The following TMTC3 variants were observed in gnomAD, a reference collection of about 807,000 sequenced individuals.
TMTC3 encodes the protein transmembrane O-mannosyltransferase targeting cadherins 3, also known as protein O-mannosyl-transferase TMTC3.
Under a neutral mutation model 92.2 loss-of-function variants are expected in TMTC3, and 52 were observed. The ratio of observed to expected loss-of-function variants is 0.56; its 90% confidence interval spans 0.45 to 0.71. The LOEUF (loss-of-function observed/expected upper bound fraction) is 0.71, where lower values mean the gene tolerates loss of function less well. Among genes scored for constraint, TMTC3 ranks in the 30% least tolerant of loss-of-function variants. TMTC3 has a pLI of 0.00. For missense variants in TMTC3, 896 were observed against 1,057.1 expected (o/e 0.85, Z 2.11); for synonymous variants, 339 against 363.3 (o/e 0.93, Z 0.76).
At position 88,195,330 on chromosome 12, in the gene TMTC3, G is replaced by A. The variant is rs111307435; in HGVS notation, c.2426G>A (p.Arg809His). ...GCACCACATGAAGAATATATTCAGC[G>A]CCATTTGAATATAGTCAGGGATAAG... Reference protein sequence around the residue: ...ALAPHEEYIQRHLNIVRDKIS... With the variant: ...ALAPHEEYIQHHLNIVRDKIS... Residue 809 changes from arginine (R) to histidine (H), a missense_variant, in exon 14 of 14, where the codon CGC (arginine) becomes CAC (histidine). Coordinates refer to ENST00000266712, the MANE Select transcript of TMTC3 (RefSeq NM_181783.4). 0.013 allele frequency: 20,250 copies of A among 1,613,714 alleles called. 149 individuals are homozygous for A. The highest frequency in any genetic ancestry group is 0.015 in the Non-Finnish European group (17,330 of 1,179,784).
chr12:88,193,357 C>T (rs2041465404), intron 13 of TMTC3, among the ~76,000 whole-genome samples: 1 of 151,890 alleles, frequency 6.6e-6, no homozygotes, highest in Non-Finnish European at 1.5e-5. Context: ...AAATTATTAA[C>T]CACAGTAAAT....
At chr12:88,169,134 A>G (rs1225252580) in intron 7 of TMTC3, among the ~76,000 whole-genome samples, 1 of 152,242 alleles carries the variant, frequency 6.6e-6, no homozygotes, top group African/African-American at 2.4e-5. Flanking sequence ...CAAAGCAGTC[A>G]AGAAGAGTGG....
Position 88,160,683 on chromosome 12 carries a change from C to G in TMTC3, c.629C>G (p.Thr210Ser). 1 of 1,612,202 alleles carries G rather than the reference C, an allele frequency of 6.2e-7. No individual in the cohort carries two copies. The highest frequency in any genetic ancestry group is 8.5e-7 in the Non-Finnish European group (1 of 1,179,264). ...AACATTTCTTTTCTTTTTCAGTATA[C>G]TTTGCCATTACTATGTACTACTGCT... ...VYEVFIAQGY[T>S]LPLLCTTAGQ... The change falls in exon 6 of 14, where the codon ACT (threonine) becomes AGT (serine). Residue 210 changes from threonine to serine, a missense_variant. Physicochemically the swap from Thr to Ser is moderately conservative, Grantham distance 58. Coordinates refer to ENST00000266712, the MANE Select transcript of TMTC3 (RefSeq NM_181783.4).
At chr12:88,155,378 C>G (rs945331017) in intron 4 of TMTC3, among the ~76,000 whole-genome samples, 2 of 152,198 alleles carry the variant, frequency 1.3e-5, no homozygotes, top group Non-Finnish European at 2.9e-5. Context: ...TATGGAATTG[C>G]AGACCAGTAT....
Position 88,144,449 on chromosome 12 carries a change from C to G in TMTC3, c.-29+1962C>G, listed in dbSNP as rs140418938. Reference sequence around the variant, plus strand: ...GTTATAACTTATTTTTATGTATTCACTTACAAGTTTCGTTTGTCTGTATTA... The same window carrying G: ...GTTATAACTTATTTTTATGTATTCAGTTACAAGTTTCGTTTGTCTGTATTA... On this transcript the variant is annotated intron_variant, in intron 1 of 13. Coordinates refer to ENST00000266712, the MANE Select transcript of TMTC3 (RefSeq NM_181783.4). 3.5e-3 allele frequency among the ~76,000 whole-genome samples: 532 copies of G among 151,792 alleles called. 6 individuals carry two copies. The highest frequency in any genetic ancestry group is 0.013 in the African/African-American group (517 of 41,356).
chr12:88,188,926 G>A lies in TMTC3; in HGVS notation c.1516G>A (p.Ala506Thr). ...TKEAEESYMMAKSLMPQIIPG... is the reference protein window; with the variant it reads ...TKEAEESYMMTKSLMPQIIPG... Reference sequence around the variant, plus strand: ...AGAAGCTGAAGAATCTTACATGATGGCTAAATCACTGATGCCTCAAGTAAG... The same window carrying A: ...AGAAGCTGAAGAATCTTACATGATGACTAAATCACTGATGCCTCAAGTAAG... Residue 506 changes from alanine to threonine, a missense_variant, in exon 11 of 14, where the codon GCT becomes ACT. Ala to Thr is a moderately conservative substitution (Grantham distance 58). Transcript: ENST00000266712. 6.3e-7 allele frequency: 1 copy of A among 1,596,512 alleles called. No homozygotes were observed. Among genetic ancestry groups the A allele is most frequent in the South Asian group, 1.1e-5 (1 of 88,362 alleles).
Position 88,194,836 on chromosome 12 carries a change from A to G in TMTC3, c.1934-2A>G. ...TATTTTTTCTTTAAAAAAACTTTCT[A>G]GGTGAGGTTAAACTCAGACCTGAAG... On this transcript the variant is annotated splice_acceptor_variant, in intron 13 of 13. Coordinates refer to ENST00000266712, the MANE Select transcript of TMTC3 (RefSeq NM_181783.4). LOFTEE classifies it high-confidence loss of function. 6.6e-7 allele frequency: 1 copy of G among 1,516,404 alleles called. No individual in the cohort carries two copies. Among genetic ancestry groups the G allele is most frequent in the Non-Finnish European group, 8.8e-7 (1 of 1,135,110 alleles). 93.9% of individuals were successfully genotyped at this position (1,516,404 alleles called of 1,614,324 possible).
intron 4 of TMTC3, 71 bp from the exon 5 acceptor site, chr12:88,160,042 GT>G: frequency 9.6e-7 from 1 of 1,041,378 alleles, no homozygotes; most frequent in South Asian, 1.6e-5. Flanking sequence ...GAATCACAAA[GT>G]TTAAAATATC....
At chr12:88,163,357 G>T (rs2041102399) in intron 6 of TMTC3, among the ~76,000 whole-genome samples, 2 of 152,178 alleles carry the variant, frequency 1.3e-5, no homozygotes, top group South Asian at 4.1e-4. Flanking sequence ...GTCTGCCGAG[G>T]AACTATTCCT....
At chr12:88,159,687 C>A (rs2041053515) in intron 4 of TMTC3, among the ~76,000 whole-genome samples, 1 of 151,732 alleles carries the variant, frequency 6.6e-6, no homozygotes. Context: ...AGTATAGTAC[C>A]CTACTTTTCC....
chr12:88,194,125 G>A (rs1490442843), intron 13 of TMTC3, among the ~76,000 whole-genome samples: 2 of 152,092 alleles, frequency 1.3e-5, no homozygotes, highest in Non-Finnish European at 2.9e-5. Context: ...GGGAAGCCAA[G>A]GTGGGAGGAT....
In TMTC3 at chr12:88,190,629, C is replaced by T. The variant is rs2041431735; in HGVS notation, c.1706+7C>T. ...AGCAGGCTTACATTAGCAGGTATCC[C>T]AGTTCAACTTTAAGCTATCATTATG... is the stretch of plus-strand genomic sequence containing the variant. On this transcript the variant is annotated splice_region_variant and intron_variant, in intron 12 of 13. Transcript: ENST00000266712. 2 of 1,612,430 alleles carry T rather than the reference C, an allele frequency of 1.2e-6. No individual in the cohort carries two copies. Among genetic ancestry groups the T allele is most frequent in the Non-Finnish European group, 1.7e-6 (2 of 1,179,050 alleles).
At chr12:88,190,726 A>T in intron 12 of TMTC3, 104 bp downstream of exon 12, 4 of 1,276,644 alleles carry the variant, frequency 3.1e-6, no homozygotes, top group Non-Finnish European at 4.3e-6. Context: ...TATGTTTTTA[A>T]TAATCTTACT....
In TMTC3 at chr12:88,176,308, A is replaced by G. The variant is rs750369085; in HGVS notation, c.1421A>G (p.His474Arg). 8 of 1,607,388 alleles carry G rather than the reference A, an allele frequency of 5.0e-6. No individual in the cohort carries two copies. The highest frequency in any genetic ancestry group is 1.7e-4 in the Middle Eastern group (1 of 5,984). The change falls in exon 10 of 14, where the codon CAT becomes CGT. Residue 474 changes from histidine to arginine, a missense_variant. Transcript: ENST00000266712. ...TTGAAATACTTCTTACAGGCTACCC[A>G]TGTTCAGCCAGGTAAGCATTATTAA... ...RALKYFLQAT[H>R]VQPDDIGAHM...
At chr12:88,162,947 T>C (rs2041097142) in intron 6 of TMTC3, among the ~76,000 whole-genome samples, 1 of 150,618 alleles carries the variant, frequency 6.6e-6, no homozygotes, top group South Asian at 2.1e-4. Flanking sequence ...AGAGTTTCGC[T>C]TTTGTTGCCC....
At chr12:88,144,975 G>A (rs903570979) in intron 1 of TMTC3, among the ~76,000 whole-genome samples, 2 of 152,178 alleles carry the variant, frequency 1.3e-5, no homozygotes, top group Non-Finnish European at 2.9e-5. Flanking sequence ...AAGAACACTT[G>A]TCTGGACCTG....
intron 13 of TMTC3, among the ~76,000 whole-genome samples, chr12:88,194,372 A>G (rs1565960959): frequency 6.6e-6 from 1 of 152,202 alleles, no homozygotes; most frequent in Non-Finnish European, 1.5e-5. Context: ...ACCCAGTAAT[A>G]GTTACTATTT....
Position 88,195,717 on chromosome 12 carries a change from G to A in TMTC3, c.*68G>A. On this transcript the variant is annotated 3_prime_UTR_variant, in exon 14 of 14. Transcript: ENST00000266712. The stretch of plus-strand genomic sequence containing the variant: ...CGTATCATGTGATTGCTTTTACTGG[G>A]AGCTTTGAAAAAAAGTTCAAGGGTT... The A allele has an allele frequency of 7.2e-7, 1 of 1,394,702 alleles. No homozygotes were observed. Among genetic ancestry groups the A allele is most frequent in the Non-Finnish European group, 9.6e-7 (1 of 1,039,582 alleles). 86.4% of individuals were successfully genotyped at this position (1,394,702 alleles called of 1,614,324 possible).
At chr12:88,149,903 A>G (rs2040921255) in intron 2 of TMTC3, among the ~76,000 whole-genome samples, 1 of 152,064 alleles carries the variant, frequency 6.6e-6, no homozygotes, top group African/African-American at 2.4e-5. Flanking sequence ...CTCTATACCT[A>G]CCTTTGATCT....
Sources: allele counts gnomAD v4.1 joint callset (sites outside exome capture counted in the v4.1 genomes callset), GRCh38; gene constraint gnomAD v4.1.1; transcripts MANE v1.5; gene names NCBI Gene and HGNC (gene_info 2026-07-23, HGNC 2026-07-21).